The following ZNF782 variants were observed in gnomAD, a reference collection of about 807,000 sequenced individuals.
The protein encoded by ZNF782 is zinc finger protein 782.
A neutral mutation model predicts 13.0 loss-of-function variants in ZNF782; 12 were observed. The observed-to-expected ratio is 0.92, with a 90% CI of 0.59 to 1.50. The LOEUF is 1.50. Among genes scored for constraint, ZNF782 ranks in the 40% most tolerant of loss-of-function variants. The pLI, the probability that ZNF782 is intolerant of heterozygous loss-of-function variation, is 0.00. For missense variants in ZNF782, 770 were observed against 822.9 expected, an observed-to-expected ratio of 0.94 and a Z score of 0.79; for synonymous variants, 284 against 283.0, an observed-to-expected ratio of 1.00 and a Z score of -0.04.
intron 3 of ZNF782, among the ~76,000 whole-genome samples, chr9:96,848,086 A>C (rs1159966465): frequency 6.6e-6 from 1 of 152,244 alleles, no homozygotes; most frequent in Non-Finnish European, 1.5e-5. Flanking sequence ...ATCTCAGTAG[A>C]TGCAGAAAAA....
At chr9:96,907,800 C>T in the ZNF782 span, among the ~76,000 whole-genome samples, 8 of 151,764 alleles carry the variant, frequency 5.3e-5, no homozygotes, top group Admixed American at 5.2e-4. Flanking sequence ...GCCACCACAC[C>T]CGGCTAATTT....
At chr9:96,884,195 C>T in the ZNF782 span, among the ~76,000 whole-genome samples, 1 of 152,208 alleles carries the variant, frequency 6.6e-6, no homozygotes, top group African/African-American at 2.4e-5. Flanking sequence ...GATTCCATGC[C>T]TTGCCTGGAA....
At chr9:96,839,317 T>C (rs1257432564) in intron 4 of ZNF782, among the ~76,000 whole-genome samples, 1 of 150,766 alleles carries the variant, frequency 6.6e-6, no homozygotes, top group Non-Finnish European at 1.5e-5. Context: ...CAATTGGTGT[T>C]TCAGGCTGAT....
chr9:96,839,415 A>G (rs1851120173), intron 4 of ZNF782, among the ~76,000 whole-genome samples: 1 of 151,284 alleles, frequency 6.6e-6, no homozygotes, highest in African/African-American at 2.4e-5. Context: ...CTCACTGTTC[A>G]AAGTCTTCTT....
At chr9:96,855,395 C>T (rs116552826), upstream of ZNF782, among the ~76,000 whole-genome samples, 1,820 of 152,266 alleles carry the variant, frequency 0.012, 50 homozygotes, top group African/African-American at 0.041. Flanking sequence ...TCTTTTATCC[C>T]TTGCCCCGCT....
At chr9:96,875,934 C>A (rs189031359), upstream of ZNF782, among the ~76,000 whole-genome samples, 764 of 152,326 alleles carry the variant, frequency 5.0e-3, 8 homozygotes, top group African/African-American at 0.018. Context: ...GAGTGTGGCG[C>A]GCGAGCCATT....
the ZNF782 span, among the ~76,000 whole-genome samples, chr9:96,911,526 GTT>G: frequency 2.4e-5 from 2 of 83,596 alleles, no homozygotes; most frequent in Non-Finnish European, 4.7e-5. Flanking sequence ...GTTTTGTTTT[GTT>G]TTTTTTTTTT....
intron 4 of ZNF782, among the ~76,000 whole-genome samples, chr9:96,830,123 C>CA (rs1488846937): frequency 2.6e-5 from 4 of 152,172 alleles, no homozygotes; most frequent in Non-Finnish European, 4.4e-5. Context: ...GCTCTCAAGC[C>CA]AGAGGTTCAG....
the ZNF782 span, among the ~76,000 whole-genome samples, chr9:96,925,905 C>T: frequency 6.9e-6 from 1 of 145,926 alleles, no homozygotes; most frequent in East Asian, 2.2e-4. Flanking sequence ...ACAGGGGATC[C>T]AAGCCCTGAG....
At chr9:96,910,057 A>G in the ZNF782 span, 1 of 585,544 alleles carries the variant, frequency 1.7e-6, no homozygotes, top group South Asian at 1.4e-5. Context: ...CCTGCATCAG[A>G]TCACCGGCGT....
chr9:96,824,538 T>C (rs1850542715), intron 5 of ZNF782, among the ~76,000 whole-genome samples: 1 of 151,392 alleles, frequency 6.6e-6, no homozygotes. Flanking sequence ...CAACATAGTG[T>C]TGGAAGTTCT....
chr9:96,896,002 T>G, the ZNF782 span: 1 of 152,232 alleles, frequency 6.6e-6, no homozygotes, highest in Non-Finnish European at 1.5e-5. Context: ...GAGGTGGTAC[T>G]TTTTATCACA....
At chr9:96,871,160 C>T (rs568066211) in intron 1 of ZNF782, among the ~76,000 whole-genome samples, 4 of 152,228 alleles carry the variant, frequency 2.6e-5, no homozygotes, top group East Asian at 3.9e-4. Context: ...CATGAGGTGT[C>T]CTGAAAGTTT....
intron 1 of ZNF782, among the ~76,000 whole-genome samples, chr9:96,870,058 A>G (rs1309519483): frequency 6.6e-6 from 1 of 152,200 alleles, no homozygotes; most frequent in Admixed American, 6.5e-5. Flanking sequence ...CCTTTGCTCC[A>G]GCAATCTAAT....
At chr9:96,921,720 G>A in the ZNF782 span, among the ~76,000 whole-genome samples, 1 of 146,004 alleles carries the variant, frequency 6.8e-6, no homozygotes, top group South Asian at 2.2e-4. Flanking sequence ...ATGGAGTCTC[G>A]CTCTGTCACC....
At chr9:96,926,730 T>TG in the ZNF782 span, among the ~76,000 whole-genome samples, 2 of 152,200 alleles carry the variant, frequency 1.3e-5, no homozygotes, top group Non-Finnish European at 2.9e-5. Context: ...GCTTGAGACT[T>TG]GCAATCCACT....
At chr9:96,885,952 ATCC>A in the ZNF782 span, among the ~76,000 whole-genome samples, 355 of 152,144 alleles carry the variant, frequency 2.3e-3, 3 homozygotes, top group African/African-American at 8.1e-3. Context: ...GGCTCAAGTG[ATCC>A]TCTAGCCTCA....
the ZNF782 span, among the ~76,000 whole-genome samples, chr9:96,886,459 G>T: frequency 6.6e-6 from 1 of 152,170 alleles, no homozygotes; most frequent in African/African-American, 2.4e-5. Context: ...AAATGCCACA[G>T]AAATTTTATT....
In ZNF782 at chr9:96,819,361, C is replaced by T. The variant is rs760827936; in HGVS notation, c.662G>A (p.Arg221Lys). 3 of 1,601,192 alleles carry T rather than the reference C, an allele frequency of 1.9e-6. No individual in the cohort carries two copies. The highest frequency in any genetic ancestry group is 1.4e-5 in the African/African-American group (1 of 74,034). ...LGQDFEYNES[R>K]KAFLEKAALV... is the part of the protein sequence containing the mutation. The stretch of plus-strand genomic sequence containing the variant: ...GGCAGCCTTTTCAAGAAAAGCTTTT[C>T]TACTTTCATTATATTCAAAATCTTG... The change falls in exon 6 of 6, where the codon AGA (arginine) becomes AAA (lysine). Residue 221 changes from arginine (R) to lysine (K), a missense_variant. Arg to Lys is a conservative substitution (Grantham distance 26). Transcript: ENST00000481138.
Sources: gnomAD v4.1 joint callset for allele counts (sites outside exome capture counted in the v4.1 genomes callset) on GRCh38, gnomAD v4.1.1 for gene constraint, MANE v1.5 for transcripts, NCBI Gene and HGNC (gene_info 2026-07-23, HGNC 2026-07-21) for gene names.